The following DEK variants were observed in gnomAD, a reference collection of about 807,000 sequenced individuals.
The protein encoded by DEK is protein DEK.
DEK carries 28 observed loss-of-function variants against 46.8 expected under a neutral mutation model. That is an observed-to-expected ratio of 0.60 (90% CI 0.44 to 0.82). The LOEUF (loss-of-function observed/expected upper bound fraction) is 0.82. DEK is among the 40% of genes least tolerant of loss of function. The probability of loss-of-function intolerance (pLI) is 0.00; values close to 1 mark genes in which losing one functional copy is unlikely to be tolerated. For missense variants in DEK, 416 were observed against 430.6 expected (o/e 0.97, Z 0.30); for synonymous variants, 160 against 144.5 (o/e 1.11, Z -0.77).
intron 9 of DEK, 90 bp from the exon 10 acceptor site, chr6:18,226,332 G>A (rs147532900): frequency 1.4e-4 from 157 of 1,116,862 alleles, no homozygotes; most frequent in African/African-American, 9.2e-4. Flanking sequence ...AATCTGCTAC[G>A]TGCAAATAGC....
intron 2 of DEK, among the ~76,000 whole-genome samples, chr6:18,261,995 G>A (rs1268289112): frequency 1.3e-5 from 2 of 152,156 alleles, no homozygotes; most frequent in African/African-American, 2.4e-5. Context: ...GCCTGGTAAG[G>A]TGATTAAATC....
chr6:18,242,952 TA>T (rs1790961473), intron 7 of DEK, among the ~76,000 whole-genome samples: 2 of 152,102 alleles, frequency 1.3e-5, no homozygotes, highest in East Asian at 3.9e-4. Context: ...CAGTGCAGGA[TA>T]AGTGCTTAGT....
At chr6:18,256,495 G>A (rs1360879547) in intron 4 of DEK, 40 bp from the exon 5 acceptor site, 2 of 1,502,714 alleles carry the variant, frequency 1.3e-6, no homozygotes, top group African/African-American at 1.4e-5. Context: ...TTATTACCCA[G>A]TAATGTACAC....
At chr6:18,235,651 T>TA (rs1282420812) in intron 9 of DEK, among the ~76,000 whole-genome samples, 1 of 152,146 alleles carries the variant, frequency 6.6e-6, no homozygotes, top group African/African-American at 2.4e-5. Context: ...CCTGTAACAT[T>TA]AAAAAAAATT....
At chr6:18,257,002 A>G (rs975222215) in intron 4 of DEK, among the ~76,000 whole-genome samples, 16 of 152,178 alleles carry the variant, frequency 1.1e-4, no homozygotes, top group African/African-American at 3.9e-4. Context: ...CAGACATTCT[A>G]TTCTACTTCA....
At chr6:18,247,119 G>C (rs1791154210) in intron 7 of DEK, among the ~76,000 whole-genome samples, 1 of 152,064 alleles carries the variant, frequency 6.6e-6, no homozygotes, top group African/African-American at 2.4e-5. Context: ...TCATAAAATG[G>C]AATAAGGAAA....
At chr6:18,262,048 T>C (rs954245286) in intron 2 of DEK, among the ~76,000 whole-genome samples, 1 of 152,050 alleles carries the variant, frequency 6.6e-6, no homozygotes, top group African/African-American at 2.4e-5. Flanking sequence ...TGGTAATCCG[T>C]GGTGGTGAGT....
intron 9 of DEK, among the ~76,000 whole-genome samples, chr6:18,232,778 CATAG>C (rs578149711): frequency 8.5e-5 from 13 of 152,220 alleles, no homozygotes; most frequent in African/African-American, 2.9e-4. Context: ...TGAAAATGGC[CATAG>C]ATAATTTATA....
intron 9 of DEK, among the ~76,000 whole-genome samples, chr6:18,235,596 C>G (rs771185855): frequency 6.6e-6 from 1 of 152,208 alleles, no homozygotes; most frequent in Non-Finnish European, 1.5e-5. Context: ...TCCCACTAGA[C>G]TGTAAGCTCC....
chr6:18,225,810 G>C (rs1790098302), intron 10 of DEK, 80 bp from the exon 11 acceptor site: 1 of 1,544,000 alleles, frequency 6.5e-7, no homozygotes, highest in Admixed American at 1.7e-5. Flanking sequence ...TTACTATTTT[G>C]TCCTTCAAAA....
chr6:18,237,272 A>G (rs911462665), intron 8 of DEK, 109 bp downstream of exon 8: 3 of 1,308,380 alleles, frequency 2.3e-6, no homozygotes, highest in Admixed American at 3.1e-5. Context: ...TTCTCCCCGC[A>G]ATGTTCTCTG....
chr6:18,258,284 G>A lies in DEK; in HGVS notation c.247+20C>T, dbSNP rs768654291. 5.7e-6 allele frequency: 9 copies of A among 1,586,710 alleles called. No homozygotes were observed. In the Admixed American group the frequency reaches 1.6e-4, roughly 28 times the overall value. ...TAGGCACTTTCACCACAAAATGAAAGGAAGCTAGAATAAACTTACCTTGTG... is the reference window on the plus strand; with the variant it reads ...TAGGCACTTTCACCACAAAATGAAAAGAAGCTAGAATAAACTTACCTTGTG... On this transcript the variant is annotated intron_variant, in intron 3 of 10. Transcript: ENST00000652689.
rs923491342 is a variant in DEK at position 18,264,440 on chromosome 6, G to A, written c.-65C>T. 3 of 275,080 alleles carry A rather than the reference G, an allele frequency of 1.1e-5. No homozygotes were observed. The highest frequency in any genetic ancestry group is 2.2e-5 in the Non-Finnish European group (3 of 134,660). 17.0% of individuals were successfully genotyped at this position (275,080 alleles called of 1,614,324 possible). Reference sequence around the variant, plus strand: ...GCGAGGGCACGAGGAGGTTCTGGGAGGCGGCGGCGGCCGACGCCGAGGAGA... The same window carrying A: ...GCGAGGGCACGAGGAGGTTCTGGGAAGCGGCGGCGGCCGACGCCGAGGAGA... On this transcript the variant is annotated 5_prime_UTR_variant, in exon 1 of 11. Transcript: ENST00000652689.
At chr6:18,252,509 CAAAAAAAA>C (rs61626818) in intron 6 of DEK, among the ~76,000 whole-genome samples, 9 of 29,144 alleles carry the variant, frequency 3.1e-4, no homozygotes, top group African/African-American at 7.0e-4. Context: ...ACGCTGTCTC[CAAAAAAAA>C]AAAAAAAAAA....
At chr6:18,259,110 A>T (rs1367460707) in intron 2 of DEK, among the ~76,000 whole-genome samples, 1 of 151,716 alleles carries the variant, frequency 6.6e-6, no homozygotes, top group Non-Finnish European at 1.5e-5. Context: ...GCGGGCGGAT[A>T]ACGAGGTCAG....
chr6:18,236,259 A>G (rs1056151551), intron 9 of DEK, among the ~76,000 whole-genome samples, 193 bp downstream of exon 9: 1 of 152,208 alleles, frequency 6.6e-6, no homozygotes, highest in Admixed American at 6.5e-5. Flanking sequence ...TGTTTATAAA[A>G]TAACTCTATT....
chr6:18,230,350 A>C (rs1394081242), intron 9 of DEK, among the ~76,000 whole-genome samples: 1 of 152,182 alleles, frequency 6.6e-6, no homozygotes, highest in Non-Finnish European at 1.5e-5. Flanking sequence ...CTAACATCAT[A>C]ATGACAGGAT....
chr6:18,261,265 C>A (rs752111399), intron 2 of DEK, among the ~76,000 whole-genome samples: 26 of 152,158 alleles, frequency 1.7e-4, no homozygotes, highest in Non-Finnish European at 1.3e-4. Flanking sequence ...GATTTAAAGA[C>A]TGCCCTGCTA....
chr6:18,244,993 G>C (rs1375403576), intron 7 of DEK, among the ~76,000 whole-genome samples: 1 of 152,122 alleles, frequency 6.6e-6, no homozygotes, highest in Non-Finnish European at 1.5e-5. Flanking sequence ...GGCAAACATT[G>C]TAAGATGGCT....
Sources: allele counts gnomAD v4.1 joint callset (sites outside exome capture counted in the v4.1 genomes callset), GRCh38; gene constraint gnomAD v4.1.1; transcripts MANE v1.5; gene names NCBI Gene and HGNC (gene_info 2026-07-23, HGNC 2026-07-21).